The following NEXMIF variants were observed in gnomAD, a reference collection of about 807,000 sequenced individuals.
The protein encoded by NEXMIF is neurite extension and migration factor.
A neutral mutation model predicts 62.1 loss-of-function variants in NEXMIF; 8 were observed. The ratio of observed to expected loss-of-function variants is 0.13; its 90% CI spans 0.08 to 0.23. The LOEUF is 0.23. Ranked by LOEUF, NEXMIF falls within the 10% of genes least tolerant of loss-of-function variation. The pLI, the probability that NEXMIF is intolerant of heterozygous loss-of-function variation, is 1.00. For synonymous variants in NEXMIF, 404 were observed against 416.6 expected (o/e 0.97, Z 0.37); for missense variants, 976 against 1,113.3 (o/e 0.88, Z 1.75).
intron 1 of NEXMIF, among the ~76,000 whole-genome samples, chrX:74,907,239 G>A (rs753527133): frequency 9.0e-6 from 1 of 111,256 alleles, no homozygotes; most frequent in South Asian, 3.9e-4. Flanking sequence ...CCCTGCTGAT[G>A]AGTGACAGGA....
chrX:74,819,993 A>T (rs1358859757), intron 1 of NEXMIF, among the ~76,000 whole-genome samples: 1 of 111,949 alleles, frequency 8.9e-6, no homozygotes, highest in Non-Finnish European at 1.9e-5. Flanking sequence ...TACACCATGG[A>T]ATACTATGCA....
At chrX:74,907,023 T>A (rs751372647) in intron 1 of NEXMIF, among the ~76,000 whole-genome samples, 8 of 111,708 alleles carry the variant, frequency 7.2e-5, no homozygotes, top group Non-Finnish European at 1.3e-4. Flanking sequence ...TATAATATGA[T>A]GTTTTTGAAT....
chrX:74,843,769 A>G (rs1374644678), intron 1 of NEXMIF, among the ~76,000 whole-genome samples: 2 of 111,918 alleles, frequency 1.8e-5, no homozygotes, highest in Admixed American at 9.4e-5. Flanking sequence ...TTGGGCATTT[A>G]GCCCATTTGC....
intron 1 of NEXMIF, among the ~76,000 whole-genome samples, chrX:74,858,625 T>A (rs1172874831): frequency 9.0e-5 from 10 of 111,096 alleles, no homozygotes; most frequent in Non-Finnish European, 1.9e-4. Context: ...CGGATGAATG[T>A]CCACAAGCTT....
At chrX:74,746,012 C>T (rs975178023) in intron 1 of NEXMIF, among the ~76,000 whole-genome samples, 3 of 111,771 alleles carry the variant, frequency 2.7e-5, no homozygotes, top group African/African-American at 9.8e-5. Context: ...ATCATGGTTG[C>T]CTGATTAAGA....
At chrX:74,754,258 G>A (rs1440105960) in intron 1 of NEXMIF, among the ~76,000 whole-genome samples, 1 of 107,876 alleles carries the variant, frequency 9.3e-6, no homozygotes, top group Admixed American at 9.9e-5. Context: ...CACTGTGCCT[G>A]GCCCAACTTT....
Position 74,736,938 on chromosome X carries a change from T to C in NEXMIF, c.*2467A>G, listed in dbSNP as rs774968502. Reference sequence around the variant, plus strand: ...AAGAATATCCATTCCAAAGGACTTATGATAGCAAGTTCTCACAAGGAAATT... The same window carrying C: ...AAGAATATCCATTCCAAAGGACTTACGATAGCAAGTTCTCACAAGGAAATT... On this transcript the variant is annotated 3_prime_UTR_variant, in exon 4 of 4. Coordinates refer to ENST00000055682, the MANE Select transcript of NEXMIF (RefSeq NM_001008537.3). The C allele has an allele frequency of 8.9e-6, 1 of 111,931 alleles. No individual in the cohort carries two copies. Among genetic ancestry groups the C allele is most frequent in the South Asian group, 3.7e-4 (1 of 2,671 alleles). 9.2% of individuals were successfully genotyped at this position (111,931 alleles called of 1,213,427 possible). A position where few individuals can be genotyped will look rare whatever the true frequency, so the allele number is the denominator to read the frequency against.
intron 1 of NEXMIF, among the ~76,000 whole-genome samples, chrX:74,789,663 C>T (rs1251013265): frequency 2.7e-5 from 3 of 110,404 alleles, no homozygotes; most frequent in Non-Finnish European, 5.7e-5. Flanking sequence ...TAATGATTGC[C>T]ATTCTAACTG....
intron 1 of NEXMIF, among the ~76,000 whole-genome samples, chrX:74,824,329 G>A (rs769583571): frequency 1.8e-5 from 2 of 111,785 alleles, no homozygotes; most frequent in Non-Finnish European, 3.8e-5. Flanking sequence ...GATTCCATGA[G>A]TTTGATTGTT....
At chrX:74,830,288 A>ACAC (rs1335931406) in intron 1 of NEXMIF, among the ~76,000 whole-genome samples, 1 of 111,944 alleles carries the variant, frequency 8.9e-6, no homozygotes, top group Non-Finnish European at 1.9e-5. Context: ...TTTTCCCAGC[A>ACAC]CCATTCATTG....
rs1480751157 is a variant in NEXMIF, at chrX:74,742,921, T to C, written c.1636A>G (p.Asn546Asp). Residue 546 changes from asparagine to aspartate, a missense_variant, in exon 3 of 4, where the codon AAT (asparagine) becomes GAT (aspartate). This residue lies in a region of NEXMIF where 639 missense variants were observed against 694.5 expected (regional missense o/e 0.92). Coordinates refer to ENST00000055682, the MANE Select transcript of NEXMIF (RefSeq NM_001008537.3). ...ATGTTCTTCTCACCTTTAAAGCGAT[T>C]AATGATGATATATTTGATAATAACA... The part of the protein sequence containing the change: ...PPVIIKYIII[N>D]RFKGEKNMLV... The C allele has an allele frequency of 8.3e-7, 1 of 1,209,112 alleles. No individual in the cohort carries two copies. The highest frequency in any genetic ancestry group is 1.1e-6 in the Non-Finnish European group (1 of 894,754).
At chrX:74,744,883 CCTTTT>C (rs1337525493) in intron 2 of NEXMIF, among the ~76,000 whole-genome samples, 4 of 106,793 alleles carry the variant, frequency 3.7e-5, no homozygotes, top group Non-Finnish European at 5.8e-5. Context: ...TCTACAAGTT[CCTTTT>C]CTTTTCTTTT....
intron 1 of NEXMIF, among the ~76,000 whole-genome samples, chrX:74,851,667 T>C (rs1323634222): frequency 2.7e-5 from 3 of 110,978 alleles, no homozygotes; most frequent in African/African-American, 9.8e-5. Flanking sequence ...ATAAAGTCTT[T>C]CCCAGACAAG....
At chrX:74,828,032 T>G (rs1569350937) in intron 1 of NEXMIF, among the ~76,000 whole-genome samples, 1 of 111,866 alleles carries the variant, frequency 8.9e-6, no homozygotes, top group African/African-American at 3.3e-5. Flanking sequence ...AATAAGGAGT[T>G]AAGAAGAGAG....
In NEXMIF at chrX:74,733,841, C is replaced by A. The variant is rs2080078950; in HGVS notation, c.*5564G>T. On this transcript the variant is annotated 3_prime_UTR_variant, in exon 4 of 4. Transcript: ENST00000055682. ...TTTCCAACAAAAGTGTATTTTTTTT[C>A]TTTGTATTGTGGTTTCTAAAACCAG... 1 of 111,933 alleles carries A rather than the reference C, an allele frequency of 8.9e-6. No homozygotes were observed. The highest frequency in any genetic ancestry group is 9.5e-5 in the Admixed American group (1 of 10,511). 9.2% of individuals were successfully genotyped at this position (111,933 alleles called of 1,213,427 possible). A position where few individuals can be genotyped will look rare whatever the true frequency, so the allele number is the denominator to read the frequency against.
intron 1 of NEXMIF, among the ~76,000 whole-genome samples, chrX:74,829,427 C>A (rs2080428895): frequency 8.9e-6 from 1 of 111,878 alleles, no homozygotes; most frequent in Admixed American, 9.5e-5. Context: ...TGTATATGTA[C>A]CATATTTTCT....
At chrX:74,924,139 C>T (rs2147379518) in intron 1 of NEXMIF, among the ~76,000 whole-genome samples, 1 of 111,912 alleles carries the variant, frequency 8.9e-6, no homozygotes, top group South Asian at 3.8e-4. Flanking sequence ...CGGAGCGGGA[C>T]TCCGCTCCCC....
At chrX:74,879,754 G>A (rs1038328743) in intron 1 of NEXMIF, among the ~76,000 whole-genome samples, 27 of 111,826 alleles carry the variant, frequency 2.4e-4, no homozygotes, top group African/African-American at 8.4e-4. Context: ...TGGACTATTT[G>A]ATATAATTAC....
intron 1 of NEXMIF, among the ~76,000 whole-genome samples, chrX:74,826,812 G>T (rs1479298343): frequency 9.0e-6 from 1 of 111,171 alleles, no homozygotes; most frequent in Non-Finnish European, 1.9e-5. Context: ...TAAACTAAAG[G>T]ATATTGGACT....
Sources: gnomAD v4.1 joint callset for allele counts (sites outside exome capture counted in the v4.1 genomes callset) on GRCh38, gnomAD v4.1.1 for gene constraint, gnomAD v4.1.1 regional missense constraint, MANE v1.5 for transcripts, NCBI Gene and HGNC (gene_info 2026-07-23, HGNC 2026-07-21) for gene names.